KCNK2: variants seen among roughly 807,000 people sequenced by gnomAD.
KCNK2 encodes the protein potassium channel subfamily K member 2.
In KCNK2, 21 loss-of-function variants were observed where a neutral mutation model predicts 40.5. The ratio of observed to expected loss-of-function variants is 0.52; its 90% CI spans 0.37 to 0.75. The LOEUF (loss-of-function observed/expected upper bound fraction) is 0.75, where lower values mean the gene tolerates loss of function less well. KCNK2 is among the 30% of genes least tolerant of loss of function. The probability of loss-of-function intolerance (pLI) is 0.00; values close to 1 mark genes in which losing one functional copy is unlikely to be tolerated. For missense variants in KCNK2, 399 were observed against 531.6 expected, an observed-to-expected ratio of 0.75 and a Z score of 2.45; for synonymous variants, 191 against 202.2, an observed-to-expected ratio of 0.94 and a Z score of 0.47.
At position 215,236,267 on chromosome 1, in the gene KCNK2, A is replaced by G. The variant is rs1275132869; in HGVS notation, c.*1122A>G. On this transcript the variant is annotated 3_prime_UTR_variant, in exon 7 of 7. Coordinates refer to ENST00000444842, the MANE Select transcript of KCNK2 (RefSeq NM_001017425.3). ...TTCTAATTGCTTTTTGATGTATGAA[A>G]GGCTTATATAATTTTCTTTTCGTTG... is the stretch of plus-strand genomic sequence containing the variant. The G allele has an allele frequency of 1.3e-5, 2 of 152,292 alleles. No individual in the cohort carries two copies. Among genetic ancestry groups the G allele is most frequent in the Non-Finnish European group, 2.9e-5 (2 of 68,066 alleles). The allele number at this position is 152,292 out of a possible 1,614,324, so 9.4% of individuals were successfully genotyped here.
chr1:215,162,478 G>A (rs1199453206), intron 3 of KCNK2, among the ~76,000 whole-genome samples: 2 of 151,920 alleles, frequency 1.3e-5, no homozygotes, highest in Non-Finnish European at 2.9e-5. Context: ...TGGTGTTTTA[G>A]TCATGAAATC....
intron 6 of KCNK2, among the ~76,000 whole-genome samples, chr1:215,232,140 G>C (rs1218535533): frequency 1.3e-5 from 2 of 152,162 alleles, no homozygotes; most frequent in Non-Finnish European, 2.9e-5. Flanking sequence ...GTAGGTACAA[G>C]AATATTCACT....
chr1:215,022,113 A>ATCT (rs1656819135), intron 1 of KCNK2, among the ~76,000 whole-genome samples: 1 of 123,762 alleles, frequency 8.1e-6, no homozygotes, highest in Non-Finnish European at 1.9e-5. Flanking sequence ...CCTCCTATCT[A>ATCT]TCTATCTATC....
Position 215,083,381 on chromosome 1 carries a change from G to A in KCNK2, c.-5G>A. The stretch of plus-strand genomic sequence containing the variant: ...TCAAAAAACATTTTGAATGCTGCAT[G>A]CCTCATGCTTCCCAGCGCCTCGCGG... On this transcript the variant is annotated 5_prime_UTR_variant, in exon 1 of 7. It removes an upstream start codon present in the reference 5' UTR. Coordinates refer to ENST00000444842, the MANE Select transcript of KCNK2 (RefSeq NM_001017425.3). The A allele has an allele frequency of 6.2e-7, 1 of 1,614,110 alleles. No individual in the cohort carries two copies. Among genetic ancestry groups the A allele is most frequent in the Non-Finnish European group, 8.5e-7 (1 of 1,180,014 alleles).
At chr1:215,122,063 C>A (rs1441853141) in intron 2 of KCNK2, among the ~76,000 whole-genome samples, 1 of 151,910 alleles carries the variant, frequency 6.6e-6, no homozygotes, top group Non-Finnish European at 1.5e-5. Flanking sequence ...TATACAACAG[C>A]AATAACCAAT....
intron 5 of KCNK2, among the ~76,000 whole-genome samples, chr1:215,189,489 A>C (rs1440866908): frequency 6.6e-6 from 1 of 152,164 alleles, no homozygotes; most frequent in Non-Finnish European, 1.5e-5. Flanking sequence ...TTCTTTCTTT[A>C]TGATCATGAG....
At chr1:215,032,349 A>C (rs1160703493) in intron 1 of KCNK2, among the ~76,000 whole-genome samples, 1 of 152,152 alleles carries the variant, frequency 6.6e-6, no homozygotes, top group African/African-American at 2.4e-5. Context: ...TCAGGGCTGC[A>C]GTGAGCTGTG....
chr1:215,149,126 T>C (rs905627537), intron 3 of KCNK2, among the ~76,000 whole-genome samples: 1 of 152,126 alleles, frequency 6.6e-6, no homozygotes, highest in Non-Finnish European at 1.5e-5. Context: ...GAGATGGATT[T>C]GTGTGAGAAA....
chr1:215,006,993 T>C (rs1656147514), intron 1 of KCNK2, among the ~76,000 whole-genome samples: 2 of 84,942 alleles, frequency 2.4e-5, no homozygotes, highest in Admixed American at 1.3e-4. Flanking sequence ...TGGGGACCAA[T>C]TCACTATATA....
At chr1:215,206,209 T>C (rs750616110) in intron 6 of KCNK2, among the ~76,000 whole-genome samples, 2 of 152,170 alleles carry the variant, frequency 1.3e-5, no homozygotes, top group East Asian at 1.9e-4. Context: ...CGGTTTTGTA[T>C]GTAAAATTTC....
At chr1:215,044,504 T>C (rs1657674182) in intron 1 of KCNK2, among the ~76,000 whole-genome samples, 1 of 152,074 alleles carries the variant, frequency 6.6e-6, no homozygotes. Flanking sequence ...TTTTCTCCTA[T>C]CAAATGGGAA....
At chr1:215,174,986 T>C (rs140915217) in intron 5 of KCNK2, among the ~76,000 whole-genome samples, 9,532 of 152,202 alleles carry the variant, frequency 0.063, 347 homozygotes, top group Middle Eastern at 0.14. Flanking sequence ...TTGCCCTGGC[T>C]AGAACTTCCA....
At chr1:215,145,632 T>G (rs1662382698) in intron 3 of KCNK2, among the ~76,000 whole-genome samples, 1 of 152,202 alleles carries the variant, frequency 6.6e-6, no homozygotes, top group African/African-American at 2.4e-5. Flanking sequence ...TTCTATCAGT[T>G]TACTGCTATA....
chr1:215,073,342 A>G (rs1223639545), intron 1 of KCNK2, among the ~76,000 whole-genome samples: 3 of 152,216 alleles, frequency 2.0e-5, no homozygotes, highest in Admixed American at 1.3e-4. Context: ...AAGTTACTAA[A>G]TAACAGTTGG....
intron 1 of KCNK2, among the ~76,000 whole-genome samples, chr1:215,059,059 A>C (rs141167921): frequency 2.7e-5 from 4 of 148,338 alleles, no homozygotes; most frequent in Non-Finnish European, 6.0e-5. Context: ...ATACATGTGT[A>C]TATATATATA....
chr1:215,019,942 G>A (rs1656731686), intron 1 of KCNK2, among the ~76,000 whole-genome samples: 2 of 123,510 alleles, frequency 1.6e-5, no homozygotes, highest in Admixed American at 7.9e-5. Flanking sequence ...CATGAGCAGA[G>A]GGACCACTAT....
chr1:215,074,473 T>C (rs1035896640), intron 1 of KCNK2, among the ~76,000 whole-genome samples: 1 of 152,252 alleles, frequency 6.6e-6, no homozygotes, highest in Non-Finnish European at 1.5e-5. Flanking sequence ...GATTTGCTCT[T>C]CATAAAGCCA....
intron 3 of KCNK2, among the ~76,000 whole-genome samples, chr1:215,166,049 A>G (rs1663430072): frequency 6.6e-6 from 1 of 152,194 alleles, no homozygotes; most frequent in South Asian, 2.1e-4. Flanking sequence ...AATTTTTGTT[A>G]GATAATCGAT....
chr1:215,120,603 G>T (rs966452316), intron 2 of KCNK2, among the ~76,000 whole-genome samples: 31 of 152,088 alleles, frequency 2.0e-4, no homozygotes, highest in African/African-American at 7.5e-4. Flanking sequence ...TTGTTTGTGT[G>T]CACGTGAATC....
Sources: allele counts gnomAD v4.1 joint callset (sites outside exome capture counted in the v4.1 genomes callset), GRCh38; gene constraint gnomAD v4.1.1; transcripts MANE v1.5; gene names NCBI Gene and HGNC (gene_info 2026-07-23, HGNC 2026-07-21).